Variants in DZIP3 observed in about 807,000 individuals in gnomAD.
DZIP3 encodes the protein E3 ubiquitin-protein ligase DZIP3.
A neutral mutation model predicts 162.0 loss-of-function variants in DZIP3; 118 were observed. The ratio of observed to expected loss-of-function variants is 0.73; its 90% CI spans 0.63 to 0.85. The LOEUF (loss-of-function observed/expected upper bound fraction) is 0.85. Among genes scored for constraint, DZIP3 ranks in the 40% least tolerant of loss-of-function variants. The pLI is 0.00. For missense variants in DZIP3, 1,331 were observed against 1,407.0 expected, an observed-to-expected ratio of 0.95 and a Z score of 0.86; for synonymous variants, 438 against 458.6, an observed-to-expected ratio of 0.96 and a Z score of 0.57.
chr3:108,642,410 C>G (rs1205051826), intron 12 of DZIP3, 28 bp from the exon 13 acceptor site: 3 of 1,460,190 alleles, frequency 2.1e-6, no homozygotes. Context: ...TTTATTTCCA[C>G]TATAACTTAA....
chr3:108,612,518 T>C (rs1940766615), intron 4 of DZIP3, among the ~76,000 whole-genome samples: 2 of 152,026 alleles, frequency 1.3e-5, no homozygotes, highest in African/African-American at 4.8e-5. Flanking sequence ...AAGGTAAAAA[T>C]AGAAGAATAG....
chr3:108,636,491 A>G (rs748184214), intron 10 of DZIP3, 125 bp from the exon 11 acceptor site: 22 of 554,566 alleles, frequency 4.0e-5, no homozygotes, highest in South Asian at 1.8e-4. Flanking sequence ...CTACATGTCA[A>G]ATATTCACAT....
At chr3:108,648,858 C>T in intron 16 of DZIP3, 60 bp from the exon 17 acceptor site, 7 of 971,656 alleles carry the variant, frequency 7.2e-6, no homozygotes, top group Non-Finnish European at 8.3e-6. Context: ...ATATATTTTG[C>T]AAAATAACCC....
intron 26 of DZIP3, among the ~76,000 whole-genome samples, chr3:108,682,542 A>G (rs1414143027): frequency 1.3e-5 from 2 of 150,768 alleles, no homozygotes; most frequent in African/African-American, 5.0e-5. Flanking sequence ...ACCTGATCCC[A>G]CGCATGTGGA....
chr3:108,595,129 T>A (rs1217996446), intron 1 of DZIP3, among the ~76,000 whole-genome samples: 1 of 152,246 alleles, frequency 6.6e-6, no homozygotes, highest in Non-Finnish European at 1.5e-5. Context: ...AAACACATGG[T>A]ATTTTTTAGG....
At chr3:108,624,372 A>G (rs531964771) in intron 5 of DZIP3, 72 bp from the exon 6 acceptor site, 20 of 801,138 alleles carry the variant, frequency 2.5e-5, no homozygotes, top group Middle Eastern at 4.8e-4. Flanking sequence ...AGCTTAGGAT[A>G]TTTAATTAAG....
intron 3 of DZIP3, 65 bp from the exon 4 acceptor site, chr3:108,611,109 C>T: frequency 7.0e-7 from 1 of 1,436,476 alleles, no homozygotes; most frequent in South Asian, 1.5e-5. Context: ...TTTGGCTGAT[C>T]TTAGAATTAA....
At chr3:108,610,786 C>T (rs1261101979) in intron 3 of DZIP3, among the ~76,000 whole-genome samples, 1 of 152,142 alleles carries the variant, frequency 6.6e-6, no homozygotes, top group Non-Finnish European at 1.5e-5. Context: ...GAATAAATTC[C>T]TGAAGATTAT....
rs369571037 is a variant in DZIP3 at position 108,655,668 on chromosome 3, C to T, written c.2199+1358C>T. On this transcript the variant is annotated intron_variant, in intron 19 of 32. Transcript: ENST00000361582. ...AGTGGGTTCAGGACAGTGGGTGCGG[C>T]GCACCGAGTGTGAGCCAAAGCAGGG... Among the ~76,000 whole-genome samples the T allele has an allele frequency of 1.3e-4, 20 of 152,202 alleles. No homozygotes were observed. In the South Asian group the frequency reaches 1.5e-3, roughly 11 times the overall value.
chr3:108,592,473 C>T (rs557439200), intron 1 of DZIP3, among the ~76,000 whole-genome samples: 11 of 152,136 alleles, frequency 7.2e-5, no homozygotes, highest in Admixed American at 7.2e-4. Context: ...GCAGGAGGAT[C>T]TCTTGAACCC....
chr3:108,634,866 T>C lies in DZIP3; in HGVS notation c.817-5T>C, dbSNP rs1559745080. The C allele has an allele frequency of 6.3e-7, 1 of 1,592,240 alleles. No individual in the cohort carries two copies. The highest frequency in any genetic ancestry group is 8.6e-7 in the Non-Finnish European group (1 of 1,166,784). ...TATTGATAACTTACTTTTATTTTTTTCCAGGGATTTTTTCAGTTAATGTGC... is the reference window on the plus strand; with the variant it reads ...TATTGATAACTTACTTTTATTTTTTCCCAGGGATTTTTTCAGTTAATGTGC... On this transcript the variant is annotated splice_polypyrimidine_tract_variant and splice_region_variant and intron_variant, in intron 9 of 32. Coordinates refer to ENST00000361582, the MANE Select transcript of DZIP3 (RefSeq NM_014648.4).
intron 3 of DZIP3, among the ~76,000 whole-genome samples, chr3:108,609,353 G>C (rs990349495): frequency 1.3e-5 from 2 of 152,186 alleles, no homozygotes; most frequent in African/African-American, 4.8e-5. Flanking sequence ...ATATGCACAT[G>C]TATGTAGGGT....
intron 11 of DZIP3, 143 bp from the exon 12 acceptor site, chr3:108,637,348 ACTTAC>A: frequency 2.7e-6 from 2 of 748,578 alleles, no homozygotes; most frequent in African/African-American, 1.8e-5. Context: ...ATTATTTATT[ACTTAC>A]CTTGTTATTC....
intron 21 of DZIP3, 45 bp from the exon 22 acceptor site, chr3:108,669,636 G>T: frequency 6.4e-7 from 1 of 1,571,416 alleles, no homozygotes; most frequent in Non-Finnish European, 8.7e-7. Context: ...GTGTTAATGA[G>T]AAATAATTTC....
At chr3:108,630,733 T>C (rs1941793882) in intron 8 of DZIP3, among the ~76,000 whole-genome samples, 1 of 152,058 alleles carries the variant, frequency 6.6e-6, no homozygotes, top group Non-Finnish European at 1.5e-5. Flanking sequence ...TTCTTTATTA[T>C]CTAACTTTTT....
chr3:108,683,664 T>C (rs1205790284), intron 26 of DZIP3, among the ~76,000 whole-genome samples: 2 of 152,130 alleles, frequency 1.3e-5, no homozygotes, highest in East Asian at 3.9e-4. Context: ...TATAGCAGAG[T>C]TTATCTCCCA....
intron 4 of DZIP3, 46 bp downstream of exon 4, chr3:108,611,375 A>G (rs1412071760): frequency 3.8e-6 from 6 of 1,589,294 alleles, no homozygotes; most frequent in Non-Finnish European, 5.1e-6. Flanking sequence ...AGCTGTCTGT[A>G]TATGACTTTT....
At chr3:108,622,533 C>T (rs1941400835) in intron 5 of DZIP3, among the ~76,000 whole-genome samples, 1 of 152,102 alleles carries the variant, frequency 6.6e-6, no homozygotes, top group South Asian at 2.1e-4. Flanking sequence ...AATGGATGTC[C>T]ATCGATGTCT....
intron 21 of DZIP3, among the ~76,000 whole-genome samples, chr3:108,664,678 G>C (rs2107316183): frequency 6.6e-6 from 1 of 152,346 alleles, no homozygotes; most frequent in East Asian, 1.9e-4. Flanking sequence ...GGTGCCAGAA[G>C]GGCACAACAG....
Sources: gnomAD v4.1 joint callset for allele counts (sites outside exome capture counted in the v4.1 genomes callset) on GRCh38, gnomAD v4.1.1 for gene constraint, MANE v1.5 for transcripts, NCBI Gene and HGNC (gene_info 2026-07-23, HGNC 2026-07-21) for gene names.